Variants in SUCLG2 observed in about 807,000 individuals in gnomAD.
The protein encoded by SUCLG2 is succinate-CoA ligase GDP-forming subunit beta.
In SUCLG2, 42 loss-of-function variants were observed where a neutral mutation model predicts 47.9. The observed-to-expected ratio is 0.88, with a 90% confidence interval of 0.69 to 1.14. SUCLG2 has a LOEUF of 1.14. SUCLG2 is among the 50% of genes most tolerant of loss of function. The pLI is 0.00. For missense variants in SUCLG2, 571 were observed against 525.9 expected (o/e 1.09, Z -0.84); for synonymous variants, 195 against 197.3 (o/e 0.99, Z 0.10).
At chr3:67,471,873 G>A (rs1286505354) in intron 9 of SUCLG2, among the ~76,000 whole-genome samples, 3 of 152,122 alleles carry the variant, frequency 2.0e-5, no homozygotes, top group Non-Finnish European at 2.9e-5. Context: ...TAGTAGTTTC[G>A]TGAGAGGTGA....
At chr3:67,648,682 T>C (rs999702145) in intron 1 of SUCLG2, among the ~76,000 whole-genome samples, 2 of 152,214 alleles carry the variant, frequency 1.3e-5, no homozygotes, top group African/African-American at 4.8e-5. Context: ...AGCCTTGTTA[T>C]ATACTACATG....
At chr3:67,549,864 TA>T (rs1706966897) in intron 2 of SUCLG2, among the ~76,000 whole-genome samples, 1 of 152,108 alleles carries the variant, frequency 6.6e-6, no homozygotes, top group South Asian at 2.1e-4. Flanking sequence ...CTTTTTTTTT[TA>T]AACTGCAAAT....
exon 11 of SUCLG2, chr3:67,360,534 C>A (rs1238584046): frequency 7.8e-7 from 1 of 1,276,928 alleles, no homozygotes; most frequent in African/African-American, 1.5e-5. Context: ...TTTCCATTAG[C>A]ATGCAGCTGA....
intron 1 of SUCLG2, among the ~76,000 whole-genome samples, chr3:67,632,990 T>C (rs929352380): frequency 6.6e-6 from 1 of 152,208 alleles, no homozygotes; most frequent in Non-Finnish European, 1.5e-5. Context: ...CAGATTTAGC[T>C]AACATGTACA....
At chr3:67,509,994 C>G (rs567924017) in intron 6 of SUCLG2, among the ~76,000 whole-genome samples, 35 of 152,244 alleles carry the variant, frequency 2.3e-4, no homozygotes, top group African/African-American at 8.2e-4. Context: ...AGGGTACTTC[C>G]ACTCCTCTCT....
intron 3 of SUCLG2, 47 bp from the exon 4 acceptor site, chr3:67,528,269 C>A: frequency 6.4e-7 from 1 of 1,560,512 alleles, no homozygotes; most frequent in African/African-American, 1.4e-5. Context: ...TGTTGAAAAT[C>A]ATTTAAATGA....
chr3:67,591,482 G>C (rs184035627), intron 2 of SUCLG2, among the ~76,000 whole-genome samples: 55 of 152,280 alleles, frequency 3.6e-4, no homozygotes, highest in Admixed American at 2.7e-3. Context: ...ACCCAGGAGA[G>C]GTAATTGAAT....
intron 1 of SUCLG2, among the ~76,000 whole-genome samples, chr3:67,613,082 T>C (rs916667047): frequency 1.3e-5 from 2 of 152,176 alleles, no homozygotes; most frequent in African/African-American, 4.8e-5. Flanking sequence ...CTGGACACTC[T>C]CCAAACCTTG....
intron 9 of SUCLG2, among the ~76,000 whole-genome samples, chr3:67,462,323 C>T (rs566432452): frequency 6.6e-6 from 1 of 152,282 alleles, no homozygotes; most frequent in Admixed American, 6.5e-5. Flanking sequence ...CTGTGTCATA[C>T]CTCAGAAGAA....
intron 9 of SUCLG2, among the ~76,000 whole-genome samples, chr3:67,401,833 A>C (rs998241444): frequency 6.6e-6 from 1 of 152,236 alleles, no homozygotes; most frequent in African/African-American, 2.4e-5. Flanking sequence ...TCTGTCTGTT[A>C]AATTACCTAC....
At chr3:67,597,394 T>A (rs1180152558) in intron 2 of SUCLG2, among the ~76,000 whole-genome samples, 4 of 151,998 alleles carry the variant, frequency 2.6e-5, no homozygotes, top group Non-Finnish European at 5.9e-5. Flanking sequence ...AGATGGAGGG[T>A]TCCTGGATGT....
chr3:67,609,755 A>G (rs948883397), intron 1 of SUCLG2, among the ~76,000 whole-genome samples, 159 bp from the exon 2 acceptor site: 1 of 152,222 alleles, frequency 6.6e-6, no homozygotes, highest in African/African-American at 2.4e-5. Flanking sequence ...ATTCATGCCT[A>G]ATTATTTTTT....
At chr3:67,484,869 T>A (rs1705011523) in intron 9 of SUCLG2, among the ~76,000 whole-genome samples, 1 of 152,168 alleles carries the variant, frequency 6.6e-6, no homozygotes, top group Non-Finnish European at 1.5e-5. Context: ...AGACAGAAAG[T>A]TTGGTGGGAA....
At chr3:67,528,938 G>A in intron 3 of SUCLG2, 149 bp downstream of exon 3, 1 of 556,432 alleles carries the variant, frequency 1.8e-6, no homozygotes, top group Non-Finnish European at 3.1e-6. Context: ...GGCACTGCCA[G>A]AGCCCTCTAC....
At chr3:67,460,059 G>T (rs144174965) in intron 9 of SUCLG2, among the ~76,000 whole-genome samples, 1 of 152,292 alleles carries the variant, frequency 6.6e-6, no homozygotes, top group East Asian at 1.9e-4. Flanking sequence ...TGAAAGGGAG[G>T]TGGAACAATA....
At position 67,602,590 on chromosome 3, in the gene SUCLG2, G is replaced by A. The variant is rs768241016; in HGVS notation, c.226+6865C>T. On this transcript the variant is annotated intron_variant, in intron 2 of 10. Coordinates refer to ENST00000307227, the MANE Select transcript of SUCLG2 (RefSeq NM_003848.4). ...AAAAAAGAACATTTTATAAAAGGGG[G>A]ATCTCTTTGCAAAAATACATACAAT... Among the ~76,000 whole-genome samples, 82 of 152,082 alleles carry A rather than the reference G, an allele frequency of 5.4e-4. 2 individuals carry two copies. Among genetic ancestry groups the A allele is most frequent in the Admixed American group, 2.6e-4 (4 of 15,278 alleles).
chr3:67,473,094 C>T (rs1181926186), intron 9 of SUCLG2, among the ~76,000 whole-genome samples: 1 of 152,094 alleles, frequency 6.6e-6, no homozygotes, highest in Non-Finnish European at 1.5e-5. Flanking sequence ...TGCATTTATA[C>T]AGAAATGAAA....
intron 10 of SUCLG2, among the ~76,000 whole-genome samples, chr3:67,384,802 C>A (rs1433302952): frequency 6.6e-6 from 1 of 152,212 alleles, no homozygotes; most frequent in Admixed American, 6.5e-5. Flanking sequence ...ACTCTTTTTC[C>A]ACTGAGCTGG....
At chr3:67,395,121 G>A (rs1702491662) in intron 10 of SUCLG2, among the ~76,000 whole-genome samples, 1 of 151,260 alleles carries the variant, frequency 6.6e-6, no homozygotes, top group Non-Finnish European at 1.5e-5. Context: ...CAACTAACGA[G>A]CAAAATAACC....
Sources: gnomAD v4.1 joint callset for allele counts (sites outside exome capture counted in the v4.1 genomes callset) on GRCh38, gnomAD v4.1.1 for gene constraint, MANE v1.5 for transcripts, NCBI Gene and HGNC (gene_info 2026-07-23, HGNC 2026-07-21) for gene names.